The following ZNF532 variants were observed in gnomAD, a reference collection of about 807,000 sequenced individuals.
ZNF532 encodes the protein zinc finger protein 532.
In ZNF532, 22 loss-of-function variants were observed where a neutral mutation model predicts 89.3. The ratio of observed to expected loss-of-function variants is 0.25; its 90% CI spans 0.18 to 0.35. The LOEUF (loss-of-function observed/expected upper bound fraction) is 0.35. Ranked by LOEUF, ZNF532 falls within the 10% of genes least tolerant of loss-of-function variation. The pLI is 1.00. For missense variants in ZNF532, 1,132 were observed against 1,643.4 expected (o/e 0.69, Z 5.38); for synonymous variants, 606 against 649.6 (o/e 0.93, Z 1.02).
intron 5 of ZNF532, among the ~76,000 whole-genome samples, chr18:58,942,069 C>T (rs1351738451): frequency 6.8e-6 from 1 of 146,164 alleles, no homozygotes; most frequent in Non-Finnish European, 1.5e-5. Flanking sequence ...GTCGCCCAGG[C>T]TGGAGTGCAG....
intron 2 of ZNF532, among the ~76,000 whole-genome samples, chr18:58,915,506 G>GTTCCTCC (rs2060540682): frequency 6.6e-6 from 1 of 152,194 alleles, no homozygotes; most frequent in Non-Finnish European, 1.5e-5. Flanking sequence ...GGGTTTGCAG[G>GTTCCTCC]CATGGGAGTT....
In ZNF532 at chr18:58,919,042, G is replaced by C; in HGVS notation, c.755G>C (p.Ser252Thr). The change falls in exon 3 of 10, where the codon AGC becomes ACC. Residue 252 changes from serine to threonine, a missense_variant. Coordinates refer to ENST00000591808, the MANE Select transcript of ZNF532 (RefSeq NM_001375912.1). The surrounding 1 kb of genome is among the most constrained non-coding windows in gnomAD (Gnocchi z 6.1). ...GKLSSEKNDTSLPSVAPSKTK... is the reference protein window; with the variant it reads ...GKLSSEKNDTTLPSVAPSKTK... Reference sequence around the variant, plus strand: ...CTGAGCTCCGAGAAGAATGACACCAGCCTCCCCAGCGTTGCGCCATCAAAG... The same window carrying C: ...CTGAGCTCCGAGAAGAATGACACCACCCTCCCCAGCGTTGCGCCATCAAAG... The C allele has an allele frequency of 6.2e-7, 1 of 1,613,892 alleles. No homozygotes were observed. Among genetic ancestry groups the C allele is most frequent in the Non-Finnish European group, 8.5e-7 (1 of 1,180,030 alleles).
intron 2 of ZNF532, among the ~76,000 whole-genome samples, chr18:58,872,344 A>T (rs1290095279): frequency 6.6e-6 from 1 of 152,160 alleles, no homozygotes. Flanking sequence ...CAGCCTTTGC[A>T]TTTTGGGACA....
chr18:58,910,214 T>A (rs1454013236), intron 2 of ZNF532, among the ~76,000 whole-genome samples: 1 of 152,236 alleles, frequency 6.6e-6, no homozygotes, highest in Non-Finnish European at 1.5e-5. Flanking sequence ...ACAATACTAC[T>A]AACTAGATTT....
At chr18:58,974,445 C>T (rs1188649727) in intron 7 of ZNF532, among the ~76,000 whole-genome samples, 1 of 152,156 alleles carries the variant, frequency 6.6e-6, no homozygotes, top group African/African-American at 2.4e-5. Context: ...AGCCAGTTCT[C>T]CTTTGATGGA....
intron 3 of ZNF532, among the ~76,000 whole-genome samples, chr18:58,926,763 A>AT (rs747769980): frequency 1.3e-5 from 2 of 152,038 alleles, no homozygotes; most frequent in Non-Finnish European, 2.9e-5. Context: ...ATTTTTATAT[A>AT]TTTTTTGTGT....
chr18:58,977,859 A>G (rs1457658412), intron 7 of ZNF532, among the ~76,000 whole-genome samples: 1 of 152,154 alleles, frequency 6.6e-6, no homozygotes, highest in Non-Finnish European at 1.5e-5. Context: ...AAAAAATGTA[A>G]TCAATCATTT....
chr18:58,986,083 CATT>C lies in ZNF532; in HGVS notation c.*1619_*1621del, dbSNP rs1360899791. On this transcript the variant is annotated 3_prime_UTR_variant, in exon 10 of 10. Coordinates refer to ENST00000591808, the MANE Select transcript of ZNF532 (RefSeq NM_001375912.1). Reference sequence around the variant, plus strand: ...CTCAGAAGAATGGCATATTCGTTCTCATTAGTAATCAGCTATTTTGTCACTTTC... The same window carrying C: ...CTCAGAAGAATGGCATATTCGTTCTCAGTAATCAGCTATTTTGTCACTTTC... 4 of 152,610 alleles carry C rather than the reference CATT, an allele frequency of 2.6e-5. No individual in the cohort carries two copies. Among genetic ancestry groups the C allele is most frequent in the African/African-American group, 9.7e-5 (4 of 41,442 alleles). The allele number at this position is 152,610 out of a possible 1,614,324, so 9.5% of individuals were successfully genotyped here.
chr18:58,952,712 G>A (rs1030603445), intron 6 of ZNF532, among the ~76,000 whole-genome samples: 1 of 152,108 alleles, frequency 6.6e-6, no homozygotes, highest in Non-Finnish European at 1.5e-5. Context: ...ACCCCACCCC[G>A]CTGTTTTTAT....
At chr18:58,904,689 T>TG (rs2059814250) in intron 2 of ZNF532, among the ~76,000 whole-genome samples, 1 of 152,172 alleles carries the variant, frequency 6.6e-6, no homozygotes, top group Admixed American at 6.5e-5. Flanking sequence ...GTTGTTGTGT[T>TG]GCGTACCATT....
At chr18:58,937,608 A>G (rs533384258) in intron 4 of ZNF532, among the ~76,000 whole-genome samples, 2 of 152,072 alleles carry the variant, frequency 1.3e-5, no homozygotes, top group Non-Finnish European at 2.9e-5. Flanking sequence ...TTTAAACACC[A>G]TCTTTCTATC....
intron 3 of ZNF532, among the ~76,000 whole-genome samples, chr18:58,925,683 TCTAGATC>T (rs2061464607): frequency 6.6e-6 from 1 of 152,254 alleles, no homozygotes; most frequent in Non-Finnish European, 1.5e-5. Context: ...AAGGCATAGC[TCTAGATC>T]CTAAACATTT....
chr18:58,866,837 G>A (rs761714961), intron 2 of ZNF532, among the ~76,000 whole-genome samples: 22 of 152,240 alleles, frequency 1.4e-4, no homozygotes, highest in Admixed American at 2.6e-4. Context: ...GTTAGCTCAG[G>A]ATACTTTATG....
At chr18:58,941,975 C>T (rs1380961172) in intron 5 of ZNF532, among the ~76,000 whole-genome samples, 1 of 137,978 alleles carries the variant, frequency 7.2e-6, no homozygotes, top group East Asian at 2.1e-4. Context: ...TCCCTCCCTC[C>T]CTCCTTCCCT....
intron 5 of ZNF532, among the ~76,000 whole-genome samples, chr18:58,941,948 T>C (rs1014508544): frequency 1.2e-4 from 17 of 142,432 alleles, no homozygotes; most frequent in Admixed American, 1.4e-4. Context: ...TCTTCTTTCC[T>C]TTCCTCCCTC....
rs2064516302 is a variant in ZNF532 at position 58,954,208 on chromosome 18, AC to A, written c.3150+410del. ...ATTGCCAGTAGCATTTGTGTGACTT[AC>A]ATGATTCTTCCTTGAGTTTGGTAGT... On this transcript the variant is annotated intron_variant, in intron 7 of 9. Transcript: ENST00000591808. The A allele has an allele frequency of 2.4e-5, 24 of 990,558 alleles. No individual in the cohort carries two copies. In the South Asian group the frequency reaches 9.3e-4, roughly 38 times the overall value. The allele number at this position is 990,558 out of a possible 1,614,324, so 61.4% of individuals were successfully genotyped here. A position where few individuals can be genotyped will look rare whatever the true frequency, so the allele number is the denominator to read the frequency against.
At chr18:58,870,490 G>T (rs1418605076) in intron 2 of ZNF532, among the ~76,000 whole-genome samples, 1 of 152,182 alleles carries the variant, frequency 6.6e-6, no homozygotes, top group Non-Finnish European at 1.5e-5. Flanking sequence ...GGTGTGCGAG[G>T]GGATGGAGCT....
At chr18:58,879,302 A>G (rs41390551) in intron 2 of ZNF532, among the ~76,000 whole-genome samples, 15,183 of 152,254 alleles carry the variant, frequency 0.1, 1,612 homozygotes, top group African/African-American at 0.26. Context: ...TGGCAAAACA[A>G]TTAATTAAAT....
At chr18:58,931,548 C>G (rs1351756163) in intron 3 of ZNF532, 1 of 152,206 alleles carries the variant, frequency 6.6e-6, no homozygotes, top group Non-Finnish European at 1.5e-5. Flanking sequence ...GGGAGTACAG[C>G]TAAGCAAATG....
Sources: allele counts gnomAD v4.1 joint callset (sites outside exome capture counted in the v4.1 genomes callset), GRCh38; gene constraint gnomAD v4.1.1; non-coding constraint Gnocchi (gnomAD v3.1); transcripts MANE v1.5; gene names NCBI Gene and HGNC (gene_info 2026-07-23, HGNC 2026-07-21).